Variants in CNTNAP5 observed in about 807,000 individuals in gnomAD.
CNTNAP5 encodes the protein contactin-associated protein-like 5.
In CNTNAP5, 72 loss-of-function variants were observed where a neutral mutation model predicts 150.2. The ratio of observed to expected loss-of-function variants is 0.48; its 90% confidence interval spans 0.40 to 0.58. The LOEUF (loss-of-function observed/expected upper bound fraction) is 0.58. CNTNAP5 is among the 20% of genes least tolerant of loss of function. CNTNAP5 has a pLI of 0.00. For missense variants in CNTNAP5, 1,636 were observed against 1,626.2 expected, an observed-to-expected ratio of 1.01 and a Z score of -0.10; for synonymous variants, 672 against 619.8, an observed-to-expected ratio of 1.08 and a Z score of -1.25.
At chr2:124,231,243 G>C (rs984997563) in intron 2 of CNTNAP5, among the ~76,000 whole-genome samples, 1 of 152,206 alleles carries the variant, frequency 6.6e-6, no homozygotes, top group Admixed American at 6.5e-5. Context: ...GGGTAGGAGA[G>C]AGTAGAAAGA....
intron 19 of CNTNAP5, among the ~76,000 whole-genome samples, chr2:124,840,673 C>G (rs912136849): frequency 6.6e-6 from 1 of 152,058 alleles, no homozygotes; most frequent in African/African-American, 2.4e-5. Flanking sequence ...GGATTCTCTG[C>G]TTATGTCTTG....
chr2:124,194,947 A>G (rs146031708), intron 1 of CNTNAP5, among the ~76,000 whole-genome samples: 2 of 152,136 alleles, frequency 1.3e-5, no homozygotes, highest in East Asian at 3.9e-4. Context: ...TTGCTGTTAT[A>G]CTATATAAGG....
intron 16 of CNTNAP5, among the ~76,000 whole-genome samples, chr2:124,772,131 GC>G (rs151324235): frequency 1.9e-3 from 296 of 152,096 alleles, no homozygotes; most frequent in Non-Finnish European, 3.3e-3. Flanking sequence ...CATCACTGCT[GC>G]CATCACCATT....
At chr2:124,237,394 A>C (rs1392153197) in intron 2 of CNTNAP5, among the ~76,000 whole-genome samples, 3 of 152,172 alleles carry the variant, frequency 2.0e-5, no homozygotes, top group Non-Finnish European at 4.4e-5. Context: ...TGCATTTTCT[A>C]CTGGTTATTC....
At chr2:124,345,955 CA>C (rs1689727284) in intron 3 of CNTNAP5, among the ~76,000 whole-genome samples, 1 of 152,130 alleles carries the variant, frequency 6.6e-6, no homozygotes, top group African/African-American at 2.4e-5. Context: ...TACCATAAGA[CA>C]AGTTACAAAC....
intron 13 of CNTNAP5, among the ~76,000 whole-genome samples, chr2:124,692,881 T>A (rs1211310520): frequency 6.6e-6 from 1 of 152,124 alleles, no homozygotes. Context: ...AGGTCCTGGC[T>A]GATGAGTTGG....
chr2:124,677,669 T>G (rs1279678298), intron 13 of CNTNAP5, among the ~76,000 whole-genome samples: 2 of 151,948 alleles, frequency 1.3e-5, no homozygotes, highest in Non-Finnish European at 2.9e-5. Flanking sequence ...TTTAGAGTGC[T>G]GATTGGTGTG....
intron 13 of CNTNAP5, among the ~76,000 whole-genome samples, chr2:124,719,946 CA>C (rs1199443034): frequency 2.6e-5 from 4 of 152,016 alleles, no homozygotes; most frequent in Admixed American, 2.0e-4. Context: ...TTGCCTAAAA[CA>C]GATGATTTCC....
intron 13 of CNTNAP5, among the ~76,000 whole-genome samples, chr2:124,705,131 C>CAG (rs1439956375): frequency 1.3e-5 from 2 of 151,966 alleles, no homozygotes; most frequent in Admixed American, 6.6e-5. Flanking sequence ...TACACACACA[C>CAG]TTTTTTTAAT....
At chr2:124,174,058 A>G (rs546678158) in intron 1 of CNTNAP5, among the ~76,000 whole-genome samples, 5 of 151,666 alleles carry the variant, frequency 3.3e-5, no homozygotes, top group African/African-American at 1.2e-4. Context: ...ACATCTATCT[A>G]TAGCATGATT....
chr2:124,218,248 G>A (rs965495719), intron 1 of CNTNAP5, among the ~76,000 whole-genome samples: 2 of 152,114 alleles, frequency 1.3e-5, no homozygotes, highest in African/African-American at 2.4e-5. Context: ...ACTCCCACAT[G>A]CTTAGCGTTC....
intron 13 of CNTNAP5, among the ~76,000 whole-genome samples, chr2:124,697,134 C>T (rs187787031): frequency 2.6e-5 from 4 of 152,092 alleles, no homozygotes; most frequent in Non-Finnish European, 4.4e-5. Flanking sequence ...TTTAAATTTA[C>T]GGAAATACTG....
At chr2:124,905,126 G>GTTTTTTTTTT (rs55885763) in intron 22 of CNTNAP5, among the ~76,000 whole-genome samples, 2 of 126,984 alleles carry the variant, frequency 1.6e-5, no homozygotes, top group Non-Finnish European at 1.6e-5. Context: ...GTTTTTTTTT[G>GTTTTTTTTTT]TTTTTTTTTT....
chr2:124,350,469 C>A (rs1334435607), intron 3 of CNTNAP5, among the ~76,000 whole-genome samples: 1 of 148,084 alleles, frequency 6.8e-6, no homozygotes, highest in Admixed American at 6.7e-5. Context: ...TTTTTTTAAT[C>A]CTTCATTTTC....
At chr2:124,153,476 A>G (rs1022365294) in intron 1 of CNTNAP5, among the ~76,000 whole-genome samples, 12 of 151,750 alleles carry the variant, frequency 7.9e-5, no homozygotes, top group African/African-American at 2.9e-4. Context: ...GTTCTGGAGG[A>G]TGGATGTCCA....
chr2:124,890,634 T>C (rs1387263261), intron 21 of CNTNAP5, among the ~76,000 whole-genome samples: 1 of 152,150 alleles, frequency 6.6e-6, no homozygotes, highest in Non-Finnish European at 1.5e-5. Context: ...AAAGCCAGAT[T>C]TGCTTGATGC....
intron 8 of CNTNAP5, among the ~76,000 whole-genome samples, chr2:124,515,029 C>T (rs569684227): frequency 6.6e-6 from 1 of 152,312 alleles, no homozygotes; most frequent in African/African-American, 2.4e-5. Context: ...ATCGTGAGTT[C>T]CTAACAGACC....
chr2:124,363,068 T>G (rs751670760), intron 3 of CNTNAP5, among the ~76,000 whole-genome samples: 1 of 152,202 alleles, frequency 6.6e-6, no homozygotes, highest in Non-Finnish European at 1.5e-5. Context: ...CAAGTAAGTT[T>G]CACTTGTGAC....
At chr2:124,829,009 C>A (rs7604892) in intron 19 of CNTNAP5, among the ~76,000 whole-genome samples, 7,569 of 152,066 alleles carry the variant, frequency 0.05, 554 homozygotes, top group African/African-American at 0.16. Flanking sequence ...AAGAGTACCT[C>A]TGGTCATAGA....
Sources: allele counts gnomAD v4.1 joint callset (sites outside exome capture counted in the v4.1 genomes callset), GRCh38; gene constraint gnomAD v4.1.1; transcripts MANE v1.5; gene names NCBI Gene and HGNC (gene_info 2026-07-23, HGNC 2026-07-21).